The following UMODL1 variants were observed in gnomAD, a reference collection of about 807,000 sequenced individuals.
UMODL1 encodes the protein uromodulin-like 1.
A neutral mutation model predicts 136.3 loss-of-function variants in UMODL1; 128 were observed. The observed-to-expected ratio is 0.94, with a 90% CI of 0.81 to 1.09. The LOEUF (loss-of-function observed/expected upper bound fraction) is 1.09. UMODL1 is among the 50% of genes least tolerant of loss of function. The probability of loss-of-function intolerance (pLI) is 0.00; values close to 1 mark genes in which losing one functional copy is unlikely to be tolerated. For synonymous variants in UMODL1, 721 were observed against 720.0 expected, an observed-to-expected ratio of 1.00 and a Z score of -0.02; for missense variants, 1,766 against 1,725.6, an observed-to-expected ratio of 1.02 and a Z score of -0.41.
At chr21:42,108,729 T>C (rs2146495349) in intron 9 of UMODL1, among the ~76,000 whole-genome samples, 1 of 152,256 alleles carries the variant, frequency 6.6e-6, no homozygotes, top group African/African-American at 2.4e-5. Flanking sequence ...GTCCTTGTCC[T>C]CACCTTCATT....
chr21:42,101,956 C>T (rs967118324), intron 7 of UMODL1: 3 of 462,736 alleles, frequency 6.5e-6, no homozygotes, highest in Non-Finnish European at 1.2e-5. Context: ...TACCTCCTTC[C>T]TGGGATGTCT....
At position 42,088,967 on chromosome 21, in the gene UMODL1, C is replaced by T. The variant is rs531736961; in HGVS notation, c.790+487C>T. On this transcript the variant is annotated intron_variant, in intron 5 of 22. Transcript: ENST00000408910. ...AATTTGTCTAAAGTTGAATTTGTATCTGGCAAAGCACATAGACGTGGCCTT... is the reference window on the plus strand; with the variant it reads ...AATTTGTCTAAAGTTGAATTTGTATTTGGCAAAGCACATAGACGTGGCCTT... Among the ~76,000 whole-genome samples the T allele has an allele frequency of 2.6e-5, 4 of 152,338 alleles. No individual in the cohort carries two copies. The South Asian group carries it at 8.3e-4, about 32-fold the overall frequency.
chr21:42,127,577 G>A (rs751057651), intron 19 of UMODL1, 95 bp from the exon 20 acceptor site: 164 of 1,363,976 alleles, frequency 1.2e-4, no homozygotes, highest in Non-Finnish European at 1.5e-4. Context: ...TGGAATCTGC[G>A]AGTGTCGTCA....
intron 9 of UMODL1, among the ~76,000 whole-genome samples, chr21:42,106,677 C>T (rs931688418): frequency 2.6e-5 from 4 of 152,222 alleles, no homozygotes; most frequent in Non-Finnish European, 5.9e-5. Context: ...AGCCGCCCCC[C>T]GCGCCTATGA....
chr21:42,122,855 G>T lies in UMODL1; in HGVS notation c.2852G>T (p.Trp951Leu), dbSNP rs770492296. 6.9e-6 allele frequency: 11 copies of T among 1,601,032 alleles called. No individual in the cohort carries two copies. The Admixed American group carries it at 1.5e-4, about 22-fold the overall frequency. ...CEGDSPGNET[W>L]ATSPERPLTT... ...GGTGACTCTCCTGGCAATGAAACCT[G>T]GGCCACCAGCCCAGAGAGGCCTCTC... Residue 951 changes from tryptophan to leucine, a missense_variant, in exon 17 of 23, where the codon TGG becomes TTG. Physicochemically the swap from Trp to Leu is moderately conservative, Grantham distance 61. Transcript: ENST00000408910. This position sits in a 1 kb window ranked among gnomAD's most constrained non-coding sequence, Gnocchi z 4.3.
intron 7 of UMODL1, among the ~76,000 whole-genome samples, chr21:42,100,645 A>G (rs2066616027): frequency 1.3e-5 from 2 of 151,956 alleles, no homozygotes; most frequent in African/African-American, 4.8e-5. Context: ...TCCATTACAG[A>G]ACCATCCTCC....
intron 6 of UMODL1, among the ~76,000 whole-genome samples, chr21:42,092,775 G>T (rs935685135): frequency 3.3e-5 from 5 of 152,178 alleles, no homozygotes; most frequent in Non-Finnish European, 7.3e-5. Flanking sequence ...CGCGCTCTGG[G>T]CTCTGCTCTG....
At chr21:42,109,381 A>G (rs2066781612) in intron 9 of UMODL1, among the ~76,000 whole-genome samples, 181 bp from the exon 10 acceptor site, 1 of 152,204 alleles carries the variant, frequency 6.6e-6, no homozygotes, top group Non-Finnish European at 1.5e-5. Context: ...ACCAATGTGA[A>G]GGTGGGCACA....
At chr21:42,106,714 C>T (rs1426224570) in intron 9 of UMODL1, among the ~76,000 whole-genome samples, 1 of 152,244 alleles carries the variant, frequency 6.6e-6, no homozygotes, top group Non-Finnish European at 1.5e-5. Flanking sequence ...GGCGGCCAAA[C>T]CTCCTGCTCA....
rs144394105 is a variant in UMODL1, at chr21:42,078,745, G to A, written c.319+2498G>A. On this transcript the variant is annotated intron_variant, in intron 2 of 22. Coordinates refer to ENST00000408910, the MANE Select transcript of UMODL1 (RefSeq NM_001004416.3). ...CACCTCCATCACCAACAGAAACCAG[G>A]CAGGGCCAGCTGACCCCAGAGCAAT... 3.6e-3 allele frequency among the ~76,000 whole-genome samples: 492 copies of A among 136,176 alleles called. 18 individuals carry two copies. Among genetic ancestry groups the A allele is most frequent in the African/African-American group, 8.2e-3 (280 of 34,350 alleles). 89.3% of individuals were successfully genotyped at this position (136,176 alleles called of 152,430 possible).
intron 18 of UMODL1, 140 bp from the exon 19 acceptor site, chr21:42,126,866 T>G: frequency 1.3e-6 from 1 of 784,486 alleles, no homozygotes; most frequent in Non-Finnish European, 2.2e-6. Flanking sequence ...CTCCAAGTGC[T>G]CTCGTTTGGG....
rs931996610 is a variant in UMODL1, at chr21:42,123,788, A to G, written c.3147+638A>G. ...GTGTGGATGCGTTTGTCCATGTGTG[A>G]GTGTGTATGTATGGGTGTGTGTTTG... On this transcript the variant is annotated intron_variant, in intron 17 of 22. Coordinates refer to ENST00000408910, the MANE Select transcript of UMODL1 (RefSeq NM_001004416.3). The surrounding 1 kb of genome is among the most constrained non-coding windows in gnomAD (Gnocchi z 4.4). Among the ~76,000 whole-genome samples, 1 of 151,664 alleles carries G rather than the reference A, an allele frequency of 6.6e-6. No homozygotes were observed. The highest frequency in any genetic ancestry group is 1.5e-5 in the Non-Finnish European group (1 of 67,952).
chr21:42,119,275 C>T lies in UMODL1; in HGVS notation c.2640C>T (p.Phe880=). 6.2e-7 allele frequency: 1 copy of T among 1,614,206 alleles called. No individual in the cohort carries two copies. The highest frequency in any genetic ancestry group is 1.7e-5 in the Admixed American group (1 of 60,028). ...TGTCAGCTGCATTTCTCACCGCCTT[C>T]CAGACCGTGCCTCTGCTGGAGGTGA... ...QEVSAAFLTA[F]QTVPLLEVIR... The change falls in exon 15 of 23, where the codon TTC becomes TTT. Residue 880 remains phenylalanine, a synonymous_variant. Transcript: ENST00000408910.
chr21:42,084,014 G>C, intron 2 of UMODL1, 70 bp from the exon 3 acceptor site: 2 of 1,561,360 alleles, frequency 1.3e-6, no homozygotes, highest in Non-Finnish European at 1.7e-6. Flanking sequence ...GCACCGACGT[G>C]AGGTCCCCGT....
At chr21:42,124,488 A>T (rs2067025156) in intron 17 of UMODL1, among the ~76,000 whole-genome samples, 1 of 151,962 alleles carries the variant, frequency 6.6e-6, no homozygotes, top group South Asian at 2.1e-4. Flanking sequence ...TAGATGAGGG[A>T]GGCTGGAAAC....
intron 21 of UMODL1, among the ~76,000 whole-genome samples, chr21:42,136,297 A>G (rs2067204227): frequency 6.6e-6 from 1 of 152,340 alleles, no homozygotes; most frequent in East Asian, 1.9e-4. Flanking sequence ...TTTTATAGCC[A>G]CCAACTCCAT....
chr21:42,088,900 C>G (rs2066459183), intron 5 of UMODL1, among the ~76,000 whole-genome samples: 2 of 152,202 alleles, frequency 1.3e-5, no homozygotes. Flanking sequence ...CTTTCCCACC[C>G]TTGCCAAGGA....
intron 2 of UMODL1, among the ~76,000 whole-genome samples, chr21:42,080,667 AAC>A (rs1010320712): frequency 1.3e-5 from 2 of 152,256 alleles, no homozygotes; most frequent in African/African-American, 4.8e-5. Flanking sequence ...AAAATTTGGA[AAC>A]ACAGAAAAGA....
chr21:42,111,113 G>T lies in UMODL1; in HGVS notation c.1891G>T (p.Glu631Ter). 1 of 1,609,840 alleles carries T rather than the reference G, an allele frequency of 6.2e-7. No homozygotes were observed. Among genetic ancestry groups the T allele is most frequent in the East Asian group, 2.2e-5 (1 of 44,710 alleles). The change falls in exon 11 of 23, where the codon GAG becomes TAG. Residue 631 changes from glutamate to a stop codon, truncating the protein, a stop_gained. Transcript: ENST00000408910. LOFTEE classifies it high-confidence loss of function. ...CAGGAACAACACAGGAAAAGGCGTG[G>T]AGCAGGAGGTGCCCAGCACTGCCCC... ...YDRNNTGKGV[E>*]QELQGNSIME... is the part of the protein sequence containing the mutation.
Sources: allele counts gnomAD v4.1 joint callset (sites outside exome capture counted in the v4.1 genomes callset), GRCh38; gene constraint gnomAD v4.1.1; non-coding constraint Gnocchi (gnomAD v3.1); transcripts MANE v1.5; gene names NCBI Gene and HGNC (gene_info 2026-07-23, HGNC 2026-07-21).